Variants in TRMT10B observed in about 807,000 individuals in gnomAD.
TRMT10B encodes the protein tRNA methyltransferase 10B, also known as tRNA methyltransferase 10 homolog B.
In TRMT10B, 33 loss-of-function variants were observed where a neutral mutation model predicts 43.8. The observed-to-expected ratio is 0.75, with a 90% CI of 0.57 to 1.01. The LOEUF (loss-of-function observed/expected upper bound fraction) is 1.01. TRMT10B is among the 50% of genes least tolerant of loss of function. TRMT10B has a pLI of 0.00. For missense variants in TRMT10B, 362 were observed against 369.8 expected (o/e 0.98, Z 0.17); for synonymous variants, 137 against 130.6 (o/e 1.05, Z -0.34).
chr9:37,754,308 G>A (rs1166526307), intron 1 of TRMT10B, among the ~76,000 whole-genome samples: 1 of 152,220 alleles, frequency 6.6e-6, no homozygotes, highest in Non-Finnish European at 1.5e-5. Flanking sequence ...ATGAGGAGAG[G>A]AAGGTAGTCT....
chr9:37,773,624 A>G (rs1827816532), intron 7 of TRMT10B, among the ~76,000 whole-genome samples: 1 of 152,226 alleles, frequency 6.6e-6, no homozygotes, highest in Non-Finnish European at 1.5e-5. Flanking sequence ...TCACAAGGTC[A>G]AGAGATCGAT....
chr9:37,771,978 G>A (rs1827637427), intron 7 of TRMT10B, among the ~76,000 whole-genome samples: 1 of 151,762 alleles, frequency 6.6e-6, no homozygotes, highest in African/African-American at 2.4e-5. Context: ...TGAGTAGCTA[G>A]GACTACAGGC....
chr9:37,752,920 C>T (rs571766152), upstream of TRMT10B, among the ~76,000 whole-genome samples: 173 of 152,186 alleles, frequency 1.1e-3, no homozygotes, highest in African/African-American at 3.4e-3. Flanking sequence ...TTGGGGTTGC[C>T]TTTCTGGACT....
At chr9:37,773,820 G>A (rs993767937) in intron 7 of TRMT10B, among the ~76,000 whole-genome samples, 1 of 152,008 alleles carries the variant, frequency 6.6e-6, no homozygotes, top group Non-Finnish European at 1.5e-5. Context: ...GTGACAGAGC[G>A]AGACTCTGTT....
chr9:37,777,614 G>A lies in TRMT10B; in HGVS notation c.858G>A (p.Leu286=), dbSNP rs754497719. The stretch of plus-strand genomic sequence containing the variant: ...ACTCTCTAACAGTGTTTGATATCCT[G>A]TCCACTTACTTAGAGACTCACAACT... The part of the protein sequence containing the change: ...ILAINQVFDI[L]STYLETHNWP... The change falls in exon 9 of 9, where the codon CTG becomes CTA. Residue 286 remains leucine, a synonymous_variant. Coordinates refer to ENST00000297994, the MANE Select transcript of TRMT10B (RefSeq NM_144964.4). 1.9e-6 allele frequency: 3 copies of A among 1,613,222 alleles called. No individual in the cohort carries two copies. The highest frequency in any genetic ancestry group is 8.5e-7 in the Non-Finnish European group (1 of 1,179,456).
rs1317949827 is a variant in TRMT10B, at chr9:37,770,668, T to G, written c.653-4T>G. ...GATCTCATTGGCCTTCATTTTTTCA[T>G]TAGCTCTTGAAGATGTTGATCTAAA... is the stretch of plus-strand genomic sequence containing the variant. On this transcript the variant is annotated splice_polypyrimidine_tract_variant and splice_region_variant and intron_variant, in intron 6 of 8. Coordinates refer to ENST00000297994, the MANE Select transcript of TRMT10B (RefSeq NM_144964.4). 3 of 1,613,106 alleles carry G rather than the reference T, an allele frequency of 1.9e-6. No individual in the cohort carries two copies. In the African/African-American group the frequency reaches 4.0e-5, roughly 22 times the overall value.
intron 6 of TRMT10B, 140 bp downstream of exon 6, chr9:37,770,159 T>C: frequency 1.3e-6 from 1 of 770,964 alleles, no homozygotes; most frequent in South Asian, 1.5e-5. Context: ...GCAGTGCTCC[T>C]CTTACAGGCA....
At chr9:37,753,366 G>A (rs1309916536), upstream of TRMT10B, among the ~76,000 whole-genome samples, 3 of 152,196 alleles carry the variant, frequency 2.0e-5, no homozygotes, top group Admixed American at 2.0e-4. Context: ...CTCCGCAAGG[G>A]ATGGGATATA....
chr9:37,776,224 T>C (rs560532651), intron 7 of TRMT10B, 58 bp from the exon 8 acceptor site: 9 of 1,330,462 alleles, frequency 6.8e-6, no homozygotes, highest in Admixed American at 3.3e-5. Flanking sequence ...CTGTATTACA[T>C]TGAGAATATA....
intron 7 of TRMT10B, among the ~76,000 whole-genome samples, chr9:37,772,324 A>AT (rs200481250): frequency 1.3e-4 from 20 of 148,458 alleles, no homozygotes; most frequent in African/African-American, 3.0e-4. Flanking sequence ...TAGTTCTTAA[A>AT]TTTTTTTTTT....
chr9:37,777,606 G>C lies in TRMT10B; in HGVS notation c.850G>C (p.Asp284His), dbSNP rs757596092. ...TTCTGTTTACTCTCTAACAGTGTTT[G>C]ATATCCTGTCCACTTACTTAGAGAC... The part of the protein sequence containing the change: ...SEILAINQVF[D>H]ILSTYLETHN... Residue 284 changes from aspartate to histidine, a missense_variant, in exon 9 of 9, where the codon GAT (aspartate) becomes CAT (histidine). Transcript: ENST00000297994. 6.2e-7 allele frequency: 1 copy of C among 1,612,460 alleles called. No individual in the cohort carries two copies. Among genetic ancestry groups the C allele is most frequent in the Non-Finnish European group, 8.5e-7 (1 of 1,178,706 alleles).
In TRMT10B at chr9:37,770,740, G is replaced by GT. The variant is rs1564000727; in HGVS notation, c.720+2dup. 5 of 1,613,692 alleles carry GT rather than the reference G, an allele frequency of 3.1e-6. No homozygotes were observed. In the South Asian group the frequency reaches 4.4e-5, roughly 14 times the overall value. ...GCTTGTGGATGAAAGCATTCAGAAG[G>GT]TAAGTATACATTTCAGCCCCAACAT... On this transcript the variant is annotated splice_donor_variant, in intron 7 of 8. Transcript: ENST00000297994. LOFTEE classifies it high-confidence loss of function.
At chr9:37,754,864 TAA>T (rs924832776) in intron 1 of TRMT10B, among the ~76,000 whole-genome samples, 1 of 152,188 alleles carries the variant, frequency 6.6e-6, no homozygotes, top group Non-Finnish European at 1.5e-5. Flanking sequence ...CAATGGCAAT[TAA>T]GTTTCAACCT....
chr9:37,772,830 T>A (rs1003134924), intron 7 of TRMT10B, among the ~76,000 whole-genome samples: 1 of 152,020 alleles, frequency 6.6e-6, no homozygotes, highest in South Asian at 2.1e-4. Flanking sequence ...ACAAAACAAT[T>A]TGGAAAAGAA....
intron 7 of TRMT10B, among the ~76,000 whole-genome samples, chr9:37,771,484 G>A (rs1033881): frequency 0.13 from 19,478 of 152,174 alleles, 1,412 homozygotes; most frequent in Non-Finnish European, 0.16. Flanking sequence ...CTGTATGTAT[G>A]AGATGTATGT....
At chr9:37,753,279 A>G (rs868373266), upstream of TRMT10B, among the ~76,000 whole-genome samples, 6 of 152,238 alleles carry the variant, frequency 3.9e-5, no homozygotes, top group African/African-American at 1.2e-4. Flanking sequence ...ATTTCCGGAC[A>G]CAATATGATA....
At position 37,763,159 on chromosome 9, in the gene TRMT10B, A is replaced by C. The variant is rs112501207; in HGVS notation, c.296-470A>C. Among the ~76,000 whole-genome samples, 95 of 143,096 alleles carry C rather than the reference A, an allele frequency of 6.6e-4. 1 individual carries two copies. The highest frequency in any genetic ancestry group is 7.1e-3 in the Middle Eastern group (2 of 280). The allele number at this position is 143,096 out of a possible 152,430, so 93.9% of individuals were successfully genotyped here. ...ACTCTGTCTCAAAAAAAAAAAAAAA[A>C]AAAAAACAAAAAAAAAAATTTAAGG... On this transcript the variant is annotated intron_variant, in intron 3 of 8. Coordinates refer to ENST00000297994, the MANE Select transcript of TRMT10B (RefSeq NM_144964.4).
chr9:37,755,762 T>C (rs1183227984), intron 1 of TRMT10B, among the ~76,000 whole-genome samples: 1 of 151,698 alleles, frequency 6.6e-6, no homozygotes, highest in Non-Finnish European at 1.5e-5. Context: ...TGGAGAAACA[T>C]GAGGTAAAAG....
At chr9:37,770,528 T>G (rs904869749) in intron 6 of TRMT10B, 144 bp from the exon 7 acceptor site, 1 of 777,196 alleles carries the variant, frequency 1.3e-6, no homozygotes, top group East Asian at 2.8e-5. Flanking sequence ...TTTAGAAAAT[T>G]AGCTTTTGGT....
Sources: allele counts gnomAD v4.1 joint callset (sites outside exome capture counted in the v4.1 genomes callset), GRCh38; gene constraint gnomAD v4.1.1; transcripts MANE v1.5; gene names NCBI Gene and HGNC (gene_info 2026-07-23, HGNC 2026-07-21).